The following RAB3C variants were observed in gnomAD, a reference collection of about 807,000 sequenced individuals.
RAB3C encodes RAB3C, member RAS oncogene family.
Under a neutral mutation model 26.4 loss-of-function variants are expected in RAB3C, and 17 were observed. The observed-to-expected ratio is 0.64, with a 90% CI of 0.44 to 0.97. The LOEUF (loss-of-function observed/expected upper bound fraction) is 0.97, where lower values mean the gene tolerates loss of function less well. RAB3C is among the 50% of genes least tolerant of loss of function. The pLI is 0.00. For synonymous variants in RAB3C, 91 were observed against 95.9 expected, an observed-to-expected ratio of 0.95 and a Z score of 0.30; for missense variants, 242 against 281.9, an observed-to-expected ratio of 0.86 and a Z score of 1.01.
At chr5:58,838,910 T>A (rs915502821) in intron 4 of RAB3C, among the ~76,000 whole-genome samples, 1 of 152,152 alleles carries the variant, frequency 6.6e-6, no homozygotes, top group Non-Finnish European at 1.5e-5. Context: ...TATTTATAAG[T>A]GTTATATTAT....
At chr5:58,809,390 A>G (rs1258383777) in intron 3 of RAB3C, among the ~76,000 whole-genome samples, 5 of 151,884 alleles carry the variant, frequency 3.3e-5, no homozygotes, top group African/African-American at 1.2e-4. Context: ...TCTCAGAAAA[A>G]AAAAAAAAAA....
At chr5:58,635,393 G>C (rs919588517) in intron 2 of RAB3C, among the ~76,000 whole-genome samples, 2 of 152,194 alleles carry the variant, frequency 1.3e-5, no homozygotes, top group Non-Finnish European at 2.9e-5. Flanking sequence ...TGTAAAGAAA[G>C]AAAGCAGTGA....
intron 3 of RAB3C, 128 bp from the exon 4 acceptor site, chr5:58,824,910 G>A (rs1204640763): frequency 7.9e-6 from 5 of 630,030 alleles, no homozygotes; most frequent in South Asian, 6.4e-5. Flanking sequence ...CTAAATGTCA[G>A]GCATTTGGAC....
In RAB3C at chr5:58,636,405, C is replaced by T. The variant is rs188000922; in HGVS notation, c.252+18535C>T. ...GGTCAAGTATCCATCATAACTGGAA[C>T]GTTGAATCCTGTCTTTTGACTCATG... is the stretch of plus-strand genomic sequence containing the variant. On this transcript the variant is annotated intron_variant, in intron 2 of 4. Coordinates refer to ENST00000282878, the MANE Select transcript of RAB3C (RefSeq NM_138453.4). Among the ~76,000 whole-genome samples the T allele has an allele frequency of 2.0e-5, 3 of 152,282 alleles. 1 individual carries two copies. The highest frequency in any genetic ancestry group is 1.3e-4 in the Admixed American group (2 of 15,286).
intron 2 of RAB3C, among the ~76,000 whole-genome samples, chr5:58,651,081 T>G (rs2111786311): frequency 6.6e-6 from 1 of 152,318 alleles, no homozygotes; most frequent in South Asian, 2.1e-4. Context: ...AATATTGAAC[T>G]TGGGCAAATT....
intron 4 of RAB3C, among the ~76,000 whole-genome samples, chr5:58,834,312 C>G (rs1579944630): frequency 6.6e-6 from 1 of 152,204 alleles, no homozygotes; most frequent in East Asian, 1.9e-4. Flanking sequence ...CTGTTGAGCT[C>G]AGACCTGCAA....
chr5:58,758,624 A>C (rs1468152020), intron 3 of RAB3C, among the ~76,000 whole-genome samples: 1 of 152,222 alleles, frequency 6.6e-6, no homozygotes, highest in Non-Finnish European at 1.5e-5. Context: ...ATTTGCAATC[A>C]AATGGGGAAG....
At chr5:58,825,636 T>TA (rs1743458287) in intron 4 of RAB3C, among the ~76,000 whole-genome samples, 1 of 152,184 alleles carries the variant, frequency 6.6e-6, no homozygotes, top group African/African-American at 2.4e-5. Flanking sequence ...TTTTGAGACT[T>TA]AGTCACCCCA....
At chr5:58,622,330 A>G (rs1299066071) in intron 2 of RAB3C, among the ~76,000 whole-genome samples, 1 of 152,030 alleles carries the variant, frequency 6.6e-6, no homozygotes, top group Non-Finnish European at 1.5e-5. Context: ...TGCTCCAGTA[A>G]GTTGTTTACT....
chr5:58,822,334 C>T (rs1244784106), intron 3 of RAB3C, among the ~76,000 whole-genome samples: 1 of 152,182 alleles, frequency 6.6e-6, no homozygotes, highest in Non-Finnish European at 1.5e-5. Flanking sequence ...GCCTCATTTT[C>T]CTCAACTGTA....
intron 4 of RAB3C, among the ~76,000 whole-genome samples, chr5:58,845,323 C>G (rs1743964229): frequency 6.6e-6 from 1 of 152,000 alleles, no homozygotes; most frequent in Non-Finnish European, 1.5e-5. Flanking sequence ...GCGCCACAGC[C>G]AGGAAGTGTG....
intron 2 of RAB3C, among the ~76,000 whole-genome samples, chr5:58,686,711 C>T (rs1010123909): frequency 5.3e-5 from 8 of 151,688 alleles, no homozygotes; most frequent in Non-Finnish European, 1.0e-4. Flanking sequence ...CACACACACA[C>T]GCATGCAGTT....
At chr5:58,614,375 T>C (rs1031021424) in intron 1 of RAB3C, among the ~76,000 whole-genome samples, 1 of 152,130 alleles carries the variant, frequency 6.6e-6, no homozygotes, top group Non-Finnish European at 1.5e-5. Context: ...AGCTAGGATT[T>C]ATTTCATTAT....
At chr5:58,638,735 G>A (rs1397554620) in intron 2 of RAB3C, among the ~76,000 whole-genome samples, 1 of 152,192 alleles carries the variant, frequency 6.6e-6, no homozygotes, top group Admixed American at 6.5e-5. Flanking sequence ...ACGTATGCAA[G>A]CTGTATATGG....
chr5:58,622,215 T>C (rs2111731624), intron 2 of RAB3C, among the ~76,000 whole-genome samples: 1 of 152,200 alleles, frequency 6.6e-6, no homozygotes, highest in Middle Eastern at 3.4e-3. Flanking sequence ...TAATAAGTCC[T>C]GGAGCGATTA....
intron 3 of RAB3C, among the ~76,000 whole-genome samples, chr5:58,748,597 T>C (rs1190426033): frequency 6.6e-6 from 1 of 152,050 alleles, no homozygotes; most frequent in Non-Finnish European, 1.5e-5. Context: ...CCCATGGGTG[T>C]GTGTGTGTGT....
intron 3 of RAB3C, among the ~76,000 whole-genome samples, chr5:58,734,473 G>A (rs528755376): frequency 3.9e-5 from 6 of 152,174 alleles, no homozygotes; most frequent in South Asian, 2.1e-4. Flanking sequence ...ACTGGACCGC[G>A]GGGAGTCTCT....
At chr5:58,674,276 C>T (rs1363599121) in intron 2 of RAB3C, among the ~76,000 whole-genome samples, 1 of 152,116 alleles carries the variant, frequency 6.6e-6, no homozygotes. Context: ...ATTTAGACTT[C>T]GAGGCATCAT....
intron 1 of RAB3C, among the ~76,000 whole-genome samples, chr5:58,594,945 T>G (rs1215807201): frequency 1.3e-5 from 2 of 151,828 alleles, no homozygotes; most frequent in Non-Finnish European, 2.9e-5. Flanking sequence ...GCACTGGATA[T>G]GTCCATTCTG....
Sources: gnomAD v4.1 joint callset for allele counts (sites outside exome capture counted in the v4.1 genomes callset) on GRCh38, gnomAD v4.1.1 for gene constraint, MANE v1.5 for transcripts, NCBI Gene and HGNC (gene_info 2026-07-23, HGNC 2026-07-21) for gene names.